Variants in E2F2 observed in about 807,000 individuals in gnomAD.
E2F2 encodes transcription factor E2F2.
In E2F2, 22 loss-of-function variants were observed where a neutral mutation model predicts 42.2. The ratio of observed to expected loss-of-function variants is 0.52; its 90% CI spans 0.37 to 0.74. The LOEUF (loss-of-function observed/expected upper bound fraction) is 0.74, where lower values mean the gene tolerates loss of function less well. Among genes scored for constraint, E2F2 ranks in the 30% least tolerant of loss-of-function variants. The probability of loss-of-function intolerance (pLI) is 0.00; values close to 1 mark genes in which losing one functional copy is unlikely to be tolerated. For synonymous variants in E2F2, 248 were observed against 251.6 expected, an observed-to-expected ratio of 0.99 and a Z score of 0.13; for missense variants, 481 against 557.8, an observed-to-expected ratio of 0.86 and a Z score of 1.39.
intron 1 of E2F2, among the ~76,000 whole-genome samples, chr1:23,526,018 T>G (rs1380929695): frequency 6.6e-6 from 1 of 152,024 alleles, no homozygotes; most frequent in East Asian, 1.9e-4. Flanking sequence ...CCCCCACTCC[T>G]GCCCCCTCCA....
chr1:23,524,104 C>CAAAAAAAAAAA (rs371670414), intron 2 of E2F2, among the ~76,000 whole-genome samples: 5 of 133,176 alleles, frequency 3.8e-5, no homozygotes, highest in African/African-American at 1.2e-4. Context: ...ACAACAACAA[C>CAAAAAAAAAAA]AAAAAAAAAC....
chr1:23,514,872 G>C lies in E2F2; in HGVS notation c.1045+1463C>G, dbSNP rs146754635. On this transcript the variant is annotated intron_variant, in intron 6 of 6. Coordinates refer to ENST00000361729, the MANE Select transcript of E2F2 (RefSeq NM_004091.4). ...AAAAAAAAAGCTGGAGAGTATTTTA[G>C]GCTTTGTGGGACACTTGTGGTCTCT... is the stretch of plus-strand genomic sequence containing the variant. 1.6e-4 allele frequency among the ~76,000 whole-genome samples: 24 copies of C among 149,944 alleles called. No homozygotes were observed. In the East Asian group the frequency reaches 4.7e-3, roughly 29 times the overall value.
At chr1:23,524,634 C>T in intron 1 of E2F2, 146 bp from the exon 2 acceptor site, 4 of 621,386 alleles carry the variant, frequency 6.4e-6, no homozygotes, top group South Asian at 2.1e-5. Context: ...CACTGCTGTA[C>T]TTGATAGGAA....
intron 6 of E2F2, among the ~76,000 whole-genome samples, chr1:23,514,529 G>A (rs905913272): frequency 1.3e-5 from 2 of 152,064 alleles, no homozygotes; most frequent in Non-Finnish European, 2.9e-5. Flanking sequence ...GAAGGGTTGA[G>A]TTAGTTGGGG....
intron 2 of E2F2, 80 bp from the exon 3 acceptor site, chr1:23,522,136 T>A: frequency 7.6e-7 from 1 of 1,316,306 alleles, no homozygotes; most frequent in Non-Finnish European, 1.1e-6. Context: ...CTAGGCTCAT[T>A]AAGTACCACC....
Position 23,508,030 on chromosome 1 carries a change from T to G in E2F2, c.*1850A>C, listed in dbSNP as rs751889816. 2.6e-5 allele frequency: 4 copies of G among 152,234 alleles called. No individual in the cohort carries two copies. Among genetic ancestry groups the G allele is most frequent in the African/African-American group, 4.8e-5 (2 of 41,444 alleles). The allele number at this position is 152,234 out of a possible 1,614,324, so 9.4% of individuals were successfully genotyped here. A position where few individuals can be genotyped will look rare whatever the true frequency, so the allele number is the denominator to read the frequency against. Reference sequence around the variant, plus strand: ...CAGGGTCCCTGAGCATGCTGGACTTTAAGACGGGCGTCTGATAAGACCCTT... The same window carrying G: ...CAGGGTCCCTGAGCATGCTGGACTTGAAGACGGGCGTCTGATAAGACCCTT... On this transcript the variant is annotated 3_prime_UTR_variant, in exon 7 of 7. Transcript: ENST00000361729.
In E2F2 at chr1:23,530,924, C is replaced by T; in HGVS notation, c.-131G>A. 6.6e-6 allele frequency: 8 copies of T among 1,213,002 alleles called. No homozygotes were observed. The highest frequency in any genetic ancestry group is 8.8e-6 in the Non-Finnish European group (8 of 913,904). 75.1% of individuals were successfully genotyped at this position (1,213,002 alleles called of 1,614,324 possible). ...GGGGGAAGCCGCCAATGGACGCCTG[C>T]GGGGCAAGGCCGGACCCTCCCCTCC... On this transcript the variant is annotated 5_prime_UTR_variant, in exon 1 of 7. Coordinates refer to ENST00000361729, the MANE Select transcript of E2F2 (RefSeq NM_004091.4). The surrounding 1 kb of genome is among the most constrained non-coding windows in gnomAD (Gnocchi z 4.4).
chr1:23,530,926 G>A lies in E2F2; in HGVS notation c.-133C>T. 3 of 1,192,166 alleles carry A rather than the reference G, an allele frequency of 2.5e-6. No individual in the cohort carries two copies. Among genetic ancestry groups the A allele is most frequent in the Non-Finnish European group, 3.4e-6 (3 of 894,210 alleles). 73.8% of individuals were successfully genotyped at this position (1,192,166 alleles called of 1,614,324 possible). On this transcript the variant is annotated 5_prime_UTR_variant, in exon 1 of 7. Coordinates refer to ENST00000361729, the MANE Select transcript of E2F2 (RefSeq NM_004091.4). This position sits in a 1 kb window ranked among gnomAD's most constrained non-coding sequence, Gnocchi z 4.4. ...GGGAAGCCGCCAATGGACGCCTGCG[G>A]GGCAAGGCCGGACCCTCCCCTCCTG...
At chr1:23,526,013 A>T (rs967672651) in intron 1 of E2F2, among the ~76,000 whole-genome samples, 4 of 148,962 alleles carry the variant, frequency 2.7e-5, no homozygotes, top group African/African-American at 9.9e-5. Context: ...CCCTTCCCCC[A>T]CTCCTGCCCC....
chr1:23,514,730 G>A (rs896858096), intron 6 of E2F2, among the ~76,000 whole-genome samples: 1 of 150,984 alleles, frequency 6.6e-6, no homozygotes, highest in African/African-American at 2.4e-5. Context: ...CCAGCTACTT[G>A]GGAGGCTGAG....
intron 1 of E2F2, among the ~76,000 whole-genome samples, chr1:23,526,624 G>C (rs1370810027): frequency 6.6e-6 from 1 of 152,144 alleles, no homozygotes. Flanking sequence ...TACCACATCA[G>C]TATTGGCACT....
chr1:23,525,451 C>T (rs1019264218), intron 1 of E2F2, among the ~76,000 whole-genome samples: 3 of 152,188 alleles, frequency 2.0e-5, no homozygotes. Flanking sequence ...CGCAGGCTCA[C>T]GGTACAAGTT....
Position 23,510,009 on chromosome 1 carries a change from C to T in E2F2, c.1185G>A (p.Ala395=), listed in dbSNP as rs752620979. Residue 395 remains alanine (A), a synonymous_variant, in exon 7 of 7, where the codon GCG becomes GCA. Transcript: ENST00000361729. Reference sequence around the variant, plus strand: ...AGAAGCTGATCAGAGGGGAGCTGCACGCCAGGGTCGGGGACAGGAACTGGT... The same window carrying T: ...AGAAGCTGATCAGAGGGGAGCTGCATGCCAGGGTCGGGGACAGGAACTGGT... The part of the protein sequence containing the change: ...TEDQFLSPTL[A]CSSPLISFSP... 19 of 1,613,710 alleles carry T rather than the reference C, an allele frequency of 1.2e-5. No individual in the cohort carries two copies. Among genetic ancestry groups the T allele is most frequent in the Non-Finnish European group, 1.5e-5 (18 of 1,179,902 alleles).
intron 6 of E2F2, among the ~76,000 whole-genome samples, chr1:23,511,756 TTTTA>T (rs1174415798): frequency 1.3e-5 from 2 of 152,178 alleles, no homozygotes; most frequent in African/African-American, 2.4e-5. Context: ...TGATTTCACA[TTTTA>T]TTTATTTATT....
At chr1:23,524,315 G>A in intron 2 of E2F2, 68 bp downstream of exon 2, 1 of 1,210,220 alleles carries the variant, frequency 8.3e-7, no homozygotes, top group Non-Finnish European at 1.1e-6. Flanking sequence ...GACTACCAGT[G>A]ATTGGGCAGG....
chr1:23,510,274 G>A (rs767859361), intron 6 of E2F2, 126 bp from the exon 7 acceptor site: 728 of 1,393,772 alleles, frequency 5.2e-4, no homozygotes, highest in Non-Finnish European at 6.3e-4. Flanking sequence ...GTGGACTGTC[G>A]TGCTCTCAAA....
At chr1:23,522,584 G>A (rs1643173951) in intron 2 of E2F2, among the ~76,000 whole-genome samples, 1 of 152,152 alleles carries the variant, frequency 6.6e-6, no homozygotes, top group Non-Finnish European at 1.5e-5. Context: ...CCACTTAAAT[G>A]TCCGGAGTTT....
rs1229621179 is a variant in E2F2, at chr1:23,508,062, A to C, written c.*1818T>G. On this transcript the variant is annotated 3_prime_UTR_variant, in exon 7 of 7. Coordinates refer to ENST00000361729, the MANE Select transcript of E2F2 (RefSeq NM_004091.4). Reference sequence around the variant, plus strand: ...GGCGTCTGATAAGACCCTTGTGAGTATTTGGGTAGGAGACCAAAAGCATTT... The same window carrying C: ...GGCGTCTGATAAGACCCTTGTGAGTCTTTGGGTAGGAGACCAAAAGCATTT... 6.6e-6 allele frequency: 1 copy of C among 152,230 alleles called. No individual in the cohort carries two copies. The highest frequency in any genetic ancestry group is 6.5e-5 in the Admixed American group (1 of 15,268). 9.4% of individuals were successfully genotyped at this position (152,230 alleles called of 1,614,324 possible).
chr1:23,529,565 G>T (rs569131145), intron 1 of E2F2, among the ~76,000 whole-genome samples: 1 of 152,242 alleles, frequency 6.6e-6, no homozygotes, highest in South Asian at 2.1e-4. Flanking sequence ...CCTCTCCCTG[G>T]AGCCTGCTTC....
Sources: gnomAD v4.1 joint callset for allele counts (sites outside exome capture counted in the v4.1 genomes callset) on GRCh38, gnomAD v4.1.1 for gene constraint, Gnocchi (gnomAD v3.1) non-coding constraint, MANE v1.5 for transcripts, NCBI Gene and HGNC (gene_info 2026-07-23, HGNC 2026-07-21) for gene names.